The following IGSF5 variants were observed in gnomAD, a reference collection of about 807,000 sequenced individuals.
IGSF5 encodes immunoglobulin superfamily member 5, also known as immunoglobulin superfamily 5 like.
In IGSF5, 41 loss-of-function variants were observed where a neutral mutation model predicts 39.4. That is an observed-to-expected ratio of 1.04 (90% CI 0.81 to 1.35). IGSF5 has a LOEUF of 1.35. Ranked by LOEUF, IGSF5 falls within the 40% of genes most tolerant of loss-of-function variation. IGSF5 has a pLI of 0.00. For missense variants in IGSF5, 487 were observed against 494.6 expected (o/e 0.98, Z 0.15); for synonymous variants, 183 against 175.3 (o/e 1.04, Z -0.34).
rs563055604 is a variant in IGSF5, at chr21:39,792,595, G to A, written c.1048+496G>A. Reference sequence around the variant, plus strand: ...AGCCCTCTACATTAAAACATGTGGGGAGGTATTTTAATACATTGGGGGTAA... The same window carrying A: ...AGCCCTCTACATTAAAACATGTGGGAAGGTATTTTAATACATTGGGGGTAA... On this transcript the variant is annotated intron_variant, in intron 7 of 8. Transcript: ENST00000380588. Among the ~76,000 whole-genome samples, 157 of 152,202 alleles carry A rather than the reference G, an allele frequency of 1.0e-3. 1 individual carries two copies. Among genetic ancestry groups the A allele is most frequent in the African/African-American group, 3.4e-3 (142 of 41,536 alleles).
At chr21:39,745,858 G>C (rs1267552463) in intron 1 of IGSF5, among the ~76,000 whole-genome samples, 2 of 152,092 alleles carry the variant, frequency 1.3e-5, no homozygotes, top group Admixed American at 6.5e-5. Context: ...GCAAGCGAAA[G>C]TGGTCCAATA....
intron 8 of IGSF5, among the ~76,000 whole-genome samples, chr21:39,800,616 TTTA>T (rs2087023464): frequency 6.6e-6 from 1 of 152,236 alleles, no homozygotes; most frequent in South Asian, 2.1e-4. Flanking sequence ...TTGTGAATAA[TTTA>T]TCATGCCCAG....
chr21:39,769,490 A>G (rs1403024799), intron 3 of IGSF5, among the ~76,000 whole-genome samples: 2 of 144,886 alleles, frequency 1.4e-5, no homozygotes, highest in South Asian at 2.2e-4. Flanking sequence ...AAAAAAAAAA[A>G]AGAGAAAAGT....
intron 8 of IGSF5, among the ~76,000 whole-genome samples, chr21:39,795,026 TC>T (rs890364283): frequency 1.3e-5 from 2 of 152,062 alleles, no homozygotes; most frequent in African/African-American, 4.8e-5. Context: ...AATATTAGTG[TC>T]AACACAGGTA....
At chr21:39,716,340 C>CT in the IGSF5 span, among the ~76,000 whole-genome samples, 1 of 150,992 alleles carries the variant, frequency 6.6e-6, no homozygotes, top group Non-Finnish European at 1.5e-5. Context: ...ATTTTTTTTT[C>CT]TTTTTTTAAA....
At chr21:39,755,933 A>T (rs1236319866) in intron 2 of IGSF5, among the ~76,000 whole-genome samples, 1 of 138,006 alleles carries the variant, frequency 7.2e-6, no homozygotes, top group African/African-American at 2.7e-5. Context: ...GTGAAACTCC[A>T]TCTCTACTAA....
intron 8 of IGSF5, among the ~76,000 whole-genome samples, chr21:39,797,538 AC>A (rs1209019084): frequency 6.6e-6 from 1 of 151,872 alleles, no homozygotes; most frequent in Non-Finnish European, 1.5e-5. Context: ...TTTTTTTGAG[AC>A]ATGGTCTTGC....
At chr21:39,784,416 T>C (rs945976047) in intron 5 of IGSF5, among the ~76,000 whole-genome samples, 2 of 152,210 alleles carry the variant, frequency 1.3e-5, no homozygotes, top group African/African-American at 2.4e-5. Context: ...GATTAACCGA[T>C]GGTTGTTGGC....
At chr21:39,713,710 G>T in the IGSF5 span, among the ~76,000 whole-genome samples, 13 of 152,198 alleles carry the variant, frequency 8.5e-5, no homozygotes, top group African/African-American at 3.1e-4. Flanking sequence ...CCAGAATCCA[G>T]AGAAGTCTGC....
chr21:39,792,999 C>T (rs369715209), intron 7 of IGSF5, among the ~76,000 whole-genome samples: 1 of 111,990 alleles, frequency 8.9e-6, no homozygotes, highest in African/African-American at 3.2e-5. Context: ...GCTCTATTTT[C>T]AGCAGCCCCA....
At chr21:39,745,624 C>T (rs2079970241) in intron 1 of IGSF5, 98 bp downstream of exon 1, 6 of 683,912 alleles carry the variant, frequency 8.8e-6, no homozygotes, top group Non-Finnish European at 1.3e-5. Flanking sequence ...CAGCTTTCTG[C>T]CTCTAGTTGG....
At chr21:39,769,883 T>C (rs2080105600) in intron 3 of IGSF5, among the ~76,000 whole-genome samples, 1 of 152,212 alleles carries the variant, frequency 6.6e-6, no homozygotes, top group Admixed American at 6.5e-5. Context: ...ATGAAAGGTC[T>C]TTGGAGTCCT....
intron 4 of IGSF5, among the ~76,000 whole-genome samples, chr21:39,772,283 C>G (rs970610651): frequency 6.6e-6 from 1 of 152,132 alleles, no homozygotes; most frequent in Non-Finnish European, 1.5e-5. Context: ...AATGACAGGG[C>G]AACCTGTACT....
chr21:39,801,647 C>T lies in IGSF5; in HGVS notation c.*290C>T, dbSNP rs374195712. 49 of 269,770 alleles carry T rather than the reference C, an allele frequency of 1.8e-4. No homozygotes were observed. Among genetic ancestry groups the T allele is most frequent in the African/African-American group, 9.0e-4 (42 of 46,466 alleles). 16.7% of individuals were successfully genotyped at this position (269,770 alleles called of 1,614,324 possible). On this transcript the variant is annotated 3_prime_UTR_variant, in exon 9 of 9. Coordinates refer to ENST00000380588, the MANE Select transcript of IGSF5 (RefSeq NM_001080444.2). ...TTTTTCTCAACATTCAACACTCCTA[C>T]TTGTTAATCCAACAAATGGTAGATA...
At chr21:39,800,376 C>T (rs957138923) in intron 8 of IGSF5, among the ~76,000 whole-genome samples, 1 of 151,280 alleles carries the variant, frequency 6.6e-6, no homozygotes, top group Non-Finnish European at 1.5e-5. Flanking sequence ...AACAGAAATA[C>T]ATACTTGATA....
chr21:39,717,150 G>A, the IGSF5 span, among the ~76,000 whole-genome samples: 1 of 152,094 alleles, frequency 6.6e-6, no homozygotes, highest in Admixed American at 6.6e-5. Context: ...TATGTCTTCT[G>A]TTGAGAAGTG....
chr21:39,721,253 T>C, the IGSF5 span, among the ~76,000 whole-genome samples: 9,714 of 152,224 alleles, frequency 0.064, 569 homozygotes, highest in East Asian at 0.22. Context: ...TCTTTATAGC[T>C]TCCGTTTAGT....
chr21:39,738,470 TG>T, the IGSF5 span, among the ~76,000 whole-genome samples: 294 of 152,280 alleles, frequency 1.9e-3, 1 homozygote, highest in Non-Finnish European at 3.1e-3. The surrounding 1 kb of genome is among the most constrained non-coding windows in gnomAD (Gnocchi z 6.4). Context: ...CCATATCAGC[TG>T]GCAACTGTGA....
intron 5 of IGSF5, among the ~76,000 whole-genome samples, chr21:39,784,914 AG>A (rs2080190614): frequency 6.6e-6 from 1 of 151,720 alleles, no homozygotes; most frequent in Non-Finnish European, 1.5e-5. Context: ...GCTTCTGCTC[AG>A]CCTGGCCTGG....
Sources: gnomAD v4.1 joint callset for allele counts (sites outside exome capture counted in the v4.1 genomes callset) on GRCh38, gnomAD v4.1.1 for gene constraint, Gnocchi (gnomAD v3.1) non-coding constraint, MANE v1.5 for transcripts, NCBI Gene and HGNC (gene_info 2026-07-23, HGNC 2026-07-21) for gene names.